The following PARP1 variants were observed in gnomAD, a reference collection of about 807,000 sequenced individuals.
The protein encoded by PARP1 is poly(ADP-ribose) polymerase 1, also known as poly [ADP-ribose] polymerase 1.
In PARP1, 44 loss-of-function variants were observed where a neutral mutation model predicts 118.7. That is an observed-to-expected ratio of 0.37 (90% CI 0.29 to 0.48). The LOEUF (loss-of-function observed/expected upper bound fraction) is 0.48. PARP1 is among the 20% of genes least tolerant of loss of function. The pLI is 0.99. For missense variants in PARP1, 1,100 were observed against 1,272.4 expected, an observed-to-expected ratio of 0.86 and a Z score of 2.06; for synonymous variants, 492 against 483.2, an observed-to-expected ratio of 1.02 and a Z score of -0.24.
chr1:226,401,965 G>C, intron 2 of PARP1: 5 of 1,444,990 alleles, frequency 3.5e-6, no homozygotes, highest in Non-Finnish European at 4.5e-6. Flanking sequence ...CAAAAATAAA[G>C]TATATTAAAA....
intron 11 of PARP1, 67 bp from the exon 12 acceptor site, chr1:226,379,341 G>C: frequency 6.3e-7 from 1 of 1,597,790 alleles, no homozygotes; most frequent in Admixed American, 1.7e-5. Flanking sequence ...CACGGAGAAG[G>C]GATCTGCAGG....
At chr1:226,384,936 A>G (rs1664687252) in intron 7 of PARP1, among the ~76,000 whole-genome samples, 1 of 152,230 alleles carries the variant, frequency 6.6e-6, no homozygotes, top group Non-Finnish European at 1.5e-5. Context: ...AGTCTGAGGG[A>G]GCACAGGCAA....
Position 226,362,092 on chromosome 1 carries a change from CAG to C in PARP1, c.2849-11_2849-10del. 6.6e-7 allele frequency: 1 copy of C among 1,526,682 alleles called. No individual in the cohort carries two copies. The highest frequency in any genetic ancestry group is 9.1e-7 in the Non-Finnish European group (1 of 1,100,440). The allele number at this position is 1,526,682 out of a possible 1,614,324, so 94.6% of individuals were successfully genotyped here. ...GGTAGTTTTGCCCAAACCTGAAAAA[CAG>C]AAGTCACAAGTGACATGAACTGTGA... On this transcript the variant is annotated splice_polypyrimidine_tract_variant and intron_variant, in intron 21 of 22. Coordinates refer to ENST00000366794, the MANE Select transcript of PARP1 (RefSeq NM_001618.4).
At chr1:226,368,161 C>T (rs777127721) in intron 16 of PARP1, 38 bp downstream of exon 16, 1 of 1,613,630 alleles carries the variant, frequency 6.2e-7, no homozygotes, top group Admixed American at 1.7e-5. Context: ...ACACCCCAGC[C>T]CAGCAGACCT....
chr1:226,368,433 T>C, intron 15 of PARP1, 112 bp from the exon 16 acceptor site: 8 of 1,330,660 alleles, frequency 6.0e-6, no homozygotes, highest in Non-Finnish European at 8.6e-6. Flanking sequence ...AGTAGCGTGG[T>C]ATGTGCACAT....
rs142631949 is a variant in PARP1 at position 226,400,635 on chromosome 1, T to C, written c.286+1579A>G. On this transcript the variant is annotated intron_variant, in intron 2 of 22. Coordinates refer to ENST00000366794, the MANE Select transcript of PARP1 (RefSeq NM_001618.4). ...ACCACCACAGTAACAAACACAGCACTGTCACCAACAGGCCAACTCTTTCAA... is the reference window on the plus strand; with the variant it reads ...ACCACCACAGTAACAAACACAGCACCGTCACCAACAGGCCAACTCTTTCAA... Among the ~76,000 whole-genome samples the C allele has an allele frequency of 7.9e-5, 12 of 152,264 alleles. No homozygotes were observed. The East Asian group carries it at 1.9e-3, about 25-fold the overall frequency.
chr1:226,369,872 G>A (rs994853193), intron 15 of PARP1, among the ~76,000 whole-genome samples: 1 of 151,858 alleles, frequency 6.6e-6, no homozygotes, highest in South Asian at 2.1e-4. Context: ...CACGAGAACC[G>A]CTTGAACCTG....
intron 5 of PARP1, 22 bp from the exon 6 acceptor site, chr1:226,386,464 T>C: frequency 6.9e-7 from 1 of 1,445,820 alleles, no homozygotes; most frequent in Non-Finnish European, 9.7e-7. Context: ...ACCCAGTGGC[T>C]GAGAGGCTAG....
intron 5 of PARP1, among the ~76,000 whole-genome samples, chr1:226,387,266 C>T (rs1018336763): frequency 6.6e-6 from 1 of 152,132 alleles, no homozygotes; most frequent in Non-Finnish European, 1.5e-5. Context: ...TACAGGTGCT[C>T]AAGCCACTGC....
chr1:226,403,493 G>C (rs988029227), intron 1 of PARP1, among the ~76,000 whole-genome samples: 10 of 152,216 alleles, frequency 6.6e-5, no homozygotes, highest in African/African-American at 2.2e-4. Flanking sequence ...TTTACAGAGT[G>C]GACGGTGACA....
At chr1:226,386,285 G>A (rs768330594) in intron 6 of PARP1, 41 bp downstream of exon 6, 23 of 1,192,074 alleles carry the variant, frequency 1.9e-5, no homozygotes, top group Middle Eastern at 3.9e-4. Flanking sequence ...CGACGGGGTC[G>A]GCCTCACATG....
Position 226,374,215 on chromosome 1 carries a change from A to C in PARP1, c.2070+11T>G. Reference sequence around the variant, plus strand: ...CAAATGCTCACAGATAAAATGATAAAGCGCAATAACCTCATACTCCACCAT... The same window carrying C: ...CAAATGCTCACAGATAAAATGATAACGCGCAATAACCTCATACTCCACCAT... On this transcript the variant is annotated intron_variant, in intron 14 of 22. Coordinates refer to ENST00000366794, the MANE Select transcript of PARP1 (RefSeq NM_001618.4). 1 of 1,613,520 alleles carries C rather than the reference A, an allele frequency of 6.2e-7. No homozygotes were observed. Among genetic ancestry groups the C allele is most frequent in the Non-Finnish European group, 8.5e-7 (1 of 1,179,966 alleles).
At chr1:226,369,718 G>A (rs973723763) in intron 15 of PARP1, among the ~76,000 whole-genome samples, 1 of 152,080 alleles carries the variant, frequency 6.6e-6, no homozygotes, top group Non-Finnish European at 1.5e-5. Context: ...ACTTTGGGAG[G>A]CTGAGGCAGG....
intron 2 of PARP1, among the ~76,000 whole-genome samples, chr1:226,397,217 A>G (rs191457135): frequency 1.5e-4 from 23 of 151,884 alleles, no homozygotes; most frequent in Admixed American, 1.3e-4. Flanking sequence ...GCTTCTCCAG[A>G]GGCTGACGTG....
At chr1:226,368,410 C>T (rs918240253) in intron 15 of PARP1, 89 bp from the exon 16 acceptor site, 1 of 1,550,284 alleles carries the variant, frequency 6.5e-7, no homozygotes, top group Non-Finnish European at 8.9e-7. Context: ...GTGGGTGCTG[C>T]AGCAGGTCCA....
chr1:226,363,267 C>CA, intron 20 of PARP1, 107 bp from the exon 21 acceptor site: 1 of 828,222 alleles, frequency 1.2e-6, no homozygotes, highest in Non-Finnish European at 2.1e-6. Context: ...TAAAAGTCCA[C>CA]AAAACCCAGA....
chr1:226,399,572 C>A (rs1664988346), intron 2 of PARP1, among the ~76,000 whole-genome samples: 1 of 152,180 alleles, frequency 6.6e-6, no homozygotes, highest in Non-Finnish European at 1.5e-5. Context: ...TGAAAGGACT[C>A]TGGAGGCTAC....
chr1:226,372,196 G>A (rs1241686626), intron 14 of PARP1, among the ~76,000 whole-genome samples: 2 of 152,216 alleles, frequency 1.3e-5, no homozygotes, highest in African/African-American at 4.8e-5. Context: ...AGCCCCGAGG[G>A]CCACTGTGTC....
intron 14 of PARP1, chr1:226,370,850 C>T (rs1370780587): frequency 3.2e-5 from 11 of 339,214 alleles, no homozygotes; most frequent in South Asian, 2.1e-4. Flanking sequence ...CAGATGAGGG[C>T]TCATAAATCA....
Sources: allele counts gnomAD v4.1 joint callset (sites outside exome capture counted in the v4.1 genomes callset), GRCh38; gene constraint gnomAD v4.1.1; transcripts MANE v1.5; gene names NCBI Gene and HGNC (gene_info 2026-07-23, HGNC 2026-07-21).